The following PAM variants were observed in gnomAD, a reference collection of about 807,000 sequenced individuals.
The protein encoded by PAM is peptidyl-glycine alpha-amidating monooxygenase.
PAM carries 72 observed loss-of-function variants against 122.1 expected under a neutral mutation model. The ratio of observed to expected loss-of-function variants is 0.59; its 90% CI spans 0.49 to 0.72. The LOEUF is 0.72. Ranked by LOEUF, PAM falls within the 30% of genes least tolerant of loss-of-function variation. The pLI is 0.00. For synonymous variants in PAM, 389 were observed against 404.4 expected (o/e 0.96, Z 0.46); for missense variants, 1,106 against 1,183.7 (o/e 0.93, Z 0.96).
chr5:102,836,663 A>G (rs1777127227), intron 1 of PAM, among the ~76,000 whole-genome samples: 1 of 152,086 alleles, frequency 6.6e-6, no homozygotes. Context: ...TACTGTTTAC[A>G]TCCTTCTTAT....
intron 1 of PAM, among the ~76,000 whole-genome samples, chr5:102,840,387 A>T (rs1021709108): frequency 2.0e-5 from 3 of 152,168 alleles, no homozygotes; most frequent in Non-Finnish European, 4.4e-5. Context: ...ATCAATTAAA[A>T]TGTATTGACT....
At chr5:102,821,314 T>C (rs188565929) in intron 1 of PAM, among the ~76,000 whole-genome samples, 2 of 152,296 alleles carry the variant, frequency 1.3e-5, no homozygotes, top group African/African-American at 4.8e-5. Flanking sequence ...ATAAGTGTTA[T>C]AAAGAAAGTG....
intron 15 of PAM, chr5:102,974,983 T>C (rs1339364168): frequency 6.6e-6 from 1 of 152,402 alleles, no homozygotes; most frequent in Non-Finnish European, 1.5e-5. Flanking sequence ...AAGTTGAGTA[T>C]TTCTGAAGGG....
intron 8 of PAM, among the ~76,000 whole-genome samples, chr5:102,947,891 G>C (rs1757529662): frequency 6.6e-6 from 1 of 151,970 alleles, no homozygotes; most frequent in South Asian, 2.1e-4. Context: ...GACTGATTAA[G>C]TCCTAAATCC....
chr5:102,914,834 A>G (rs1802610497), intron 5 of PAM, among the ~76,000 whole-genome samples: 1 of 152,066 alleles, frequency 6.6e-6, no homozygotes, highest in Admixed American at 6.6e-5. Context: ...TATTCAAGTA[A>G]TTATTAATTC....
intron 3 of PAM, among the ~76,000 whole-genome samples, chr5:102,879,530 C>T (rs1790297665): frequency 1.3e-5 from 2 of 152,018 alleles, no homozygotes; most frequent in Non-Finnish European, 2.9e-5. Flanking sequence ...TAAGTGGGTT[C>T]TCATGAAATT....
At position 102,809,009 on chromosome 5, in the gene PAM, G is replaced by A. The variant is rs573918628; in HGVS notation, c.-374+53661G>A. Among the ~76,000 whole-genome samples the A allele has an allele frequency of 9.9e-5, 15 of 152,248 alleles. No individual in the cohort carries two copies. The South Asian group carries it at 1.0e-3, about 11-fold the overall frequency. ...TAACATTCAGACAGAACAGTGATAC[G>A]TGAATATTTTCCTTGAGAAGTTAGT... On this transcript the variant is annotated intron_variant, in intron 1 of 25. Coordinates refer to ENST00000438793, the MANE Select transcript of PAM (RefSeq NM_001177306.2).
At chr5:102,788,940 C>T (rs542776711) in intron 1 of PAM, among the ~76,000 whole-genome samples, 32 of 152,108 alleles carry the variant, frequency 2.1e-4, no homozygotes, top group African/African-American at 7.5e-4. Flanking sequence ...TTTGGTGGCT[C>T]AGTGCTCTGT....
At chr5:102,770,221 T>G (rs1755349108) in intron 1 of PAM, among the ~76,000 whole-genome samples, 2 of 152,048 alleles carry the variant, frequency 1.3e-5, no homozygotes, top group African/African-American at 4.8e-5. Context: ...TGATTTGTAT[T>G]CTGCAACTTT....
At chr5:102,979,095 A>G (rs1243908808) in intron 15 of PAM, among the ~76,000 whole-genome samples, 3 of 151,800 alleles carry the variant, frequency 2.0e-5, no homozygotes, top group East Asian at 1.9e-4. Flanking sequence ...CCCTAGATAT[A>G]CAAATAGGAA....
chr5:103,025,620 G>A (rs1423283840), intron 24 of PAM, among the ~76,000 whole-genome samples: 4 of 152,048 alleles, frequency 2.6e-5, no homozygotes, highest in Admixed American at 6.6e-5. Flanking sequence ...GAGTCCATAC[G>A]AAATTGTAGG....
intron 15 of PAM, among the ~76,000 whole-genome samples, chr5:102,976,168 G>A (rs960400263): frequency 1.3e-5 from 2 of 152,094 alleles, no homozygotes; most frequent in South Asian, 2.1e-4. Context: ...ATTAATAAAG[G>A]AACATGTATT....
intron 1 of PAM, among the ~76,000 whole-genome samples, chr5:102,859,563 C>T (rs1282659874): frequency 2.6e-5 from 4 of 152,032 alleles, no homozygotes; most frequent in Non-Finnish European, 5.9e-5. Context: ...AAAAGCTACA[C>T]TGCACTAAGA....
intron 1 of PAM, among the ~76,000 whole-genome samples, chr5:102,766,028 G>A (rs940092728): frequency 6.6e-6 from 1 of 152,022 alleles, no homozygotes; most frequent in African/African-American, 2.4e-5. Flanking sequence ...ACAAGAAAGG[G>A]TAATCACAAA....
At chr5:102,855,186 A>G (rs771759065) in intron 1 of PAM, among the ~76,000 whole-genome samples, 48 of 152,252 alleles carry the variant, frequency 3.2e-4, no homozygotes, top group Non-Finnish European at 5.0e-4. Context: ...GGGATTCTAA[A>G]CCCAATTGAG....
chr5:102,903,127 A>G (rs1348963390), intron 4 of PAM, among the ~76,000 whole-genome samples: 8 of 151,618 alleles, frequency 5.3e-5, no homozygotes, highest in Non-Finnish European at 7.4e-5. Context: ...AGATTAAACT[A>G]TTCCAAGTTA....
chr5:102,932,085 G>A (rs1375642918), intron 7 of PAM, among the ~76,000 whole-genome samples: 1 of 152,128 alleles, frequency 6.6e-6, no homozygotes, highest in African/African-American at 2.4e-5. Flanking sequence ...TAAAGCTCTA[G>A]TTAGAACACT....
intron 15 of PAM, among the ~76,000 whole-genome samples, chr5:102,979,377 T>G (rs1208513117): frequency 6.6e-6 from 1 of 152,214 alleles, no homozygotes; most frequent in Non-Finnish European, 1.5e-5. Flanking sequence ...GGTATAAATA[T>G]TTCTACAATA....
At chr5:102,774,962 TG>T (rs1756779370) in intron 1 of PAM, among the ~76,000 whole-genome samples, 1 of 152,016 alleles carries the variant, frequency 6.6e-6, no homozygotes, top group Admixed American at 6.6e-5. Flanking sequence ...ATTCTTGCTG[TG>T]AGGTCAGATA....
Sources: allele counts gnomAD v4.1 joint callset (sites outside exome capture counted in the v4.1 genomes callset), GRCh38; gene constraint gnomAD v4.1.1; transcripts MANE v1.5; gene names NCBI Gene and HGNC (gene_info 2026-07-23, HGNC 2026-07-21).